PDILT: variants seen among roughly 807,000 people sequenced by gnomAD.
The protein encoded by PDILT is protein disulfide-isomerase-like protein of the testis.
PDILT carries 43 observed loss-of-function variants against 53.7 expected under a neutral mutation model. The ratio of observed to expected loss-of-function variants is 0.80; its 90% CI spans 0.63 to 1.03. The LOEUF is 1.03. Among genes scored for constraint, PDILT ranks in the 50% least tolerant of loss-of-function variants. The probability of loss-of-function intolerance (pLI) is 0.00; values close to 1 mark genes in which losing one functional copy is unlikely to be tolerated. For missense variants in PDILT, 727 were observed against 712.3 expected (o/e 1.02, Z -0.24); for synonymous variants, 282 against 274.2 (o/e 1.03, Z -0.28).
intron 3 of PDILT, among the ~76,000 whole-genome samples, chr16:20,377,578 C>A (rs917316451): frequency 6.6e-6 from 1 of 152,138 alleles, no homozygotes. Flanking sequence ...CAAAGTTCTG[C>A]GAGTCTGTAG....
intron 3 of PDILT, among the ~76,000 whole-genome samples, chr16:20,379,762 C>T (rs2141605389): frequency 6.6e-6 from 1 of 152,306 alleles, no homozygotes; most frequent in South Asian, 2.1e-4. Context: ...TTAAAAGCCA[C>T]AATGAGTCAA....
chr16:20,379,431 G>A (rs568779784), intron 3 of PDILT, among the ~76,000 whole-genome samples: 527 of 152,202 alleles, frequency 3.5e-3, no homozygotes, highest in Non-Finnish European at 6.5e-3. Flanking sequence ...CTCCCAAAGT[G>A]CTGGGATTAC....
chr16:20,360,119 T>C (rs904234528), intron 11 of PDILT, among the ~76,000 whole-genome samples: 1 of 152,212 alleles, frequency 6.6e-6, no homozygotes, highest in Admixed American at 6.5e-5. Flanking sequence ...AAATTCCCAT[T>C]GTTGCTTAAA....
chr16:20,366,572 C>T (rs1340170245), intron 8 of PDILT, among the ~76,000 whole-genome samples: 2 of 152,192 alleles, frequency 1.3e-5, no homozygotes, highest in South Asian at 2.1e-4. Flanking sequence ...TTTCTTTCCT[C>T]GCCATTGAGC....
chr16:20,359,225 C>A lies in PDILT; in HGVS notation c.*94G>T. 2.0e-6 allele frequency: 3 copies of A among 1,522,036 alleles called. No homozygotes were observed. The highest frequency in any genetic ancestry group is 2.7e-6 in the Non-Finnish European group (3 of 1,131,906). The allele number at this position is 1,522,036 out of a possible 1,614,324, so 94.3% of individuals were successfully genotyped here. A position where few individuals can be genotyped will look rare whatever the true frequency, so the allele number is the denominator to read the frequency against. On this transcript the variant is annotated 3_prime_UTR_variant, in exon 12 of 12. Transcript: ENST00000302451. ...CCCTACCCCCGCCCCACCTACCCTA[C>A]CACAATGATATATGCTTTTATTGGA...
In PDILT at chr16:20,359,336, C is replaced by A; in HGVS notation, c.1738G>T (p.Val580Phe). Residue 580 changes from valine (V) to phenylalanine (F), a missense_variant, in exon 12 of 12, where the codon GTC becomes TTC. By Grantham distance (50) the Val-to-Phe change is conservative. Transcript: ENST00000302451. ...GPPVQKKKPK[V>F]KEEL ...TGGAGAAGCTAAAGTTCTTCCTTGA[C>A]TTTTGGTTTCTTCTTTTGCACTGGA... 1 of 1,613,786 alleles carries A rather than the reference C, an allele frequency of 6.2e-7. No homozygotes were observed. Among genetic ancestry groups the A allele is most frequent in the South Asian group, 1.1e-5 (1 of 90,994 alleles).
chr16:20,361,194 T>TC, intron 10 of PDILT, among the ~76,000 whole-genome samples: 1 of 106,968 alleles, frequency 9.3e-6, no homozygotes, highest in Non-Finnish European at 2.2e-5. Flanking sequence ...TTTCCTCTTT[T>TC]TTTTTTTTTT....
At position 20,384,845 on chromosome 16, in the gene PDILT, G is replaced by T. The variant is rs748295360; in HGVS notation, c.209C>A (p.Pro70Gln). ...TRFLMVLFHNPSSKQSRNLAE... is the reference protein window; with the variant it reads ...TRFLMVLFHNQSSKQSRNLAE... ...CAAGTTCCTGGATTGCTTTGAGGAT[G>T]GGTTGTCTGAAAGAGTATGAAGACA... The change falls in exon 3 of 12, where the codon CCA becomes CAA. Residue 70 changes from proline to glutamine, a missense_variant. Physicochemically the swap from Pro to Gln is moderately conservative, Grantham distance 76. Transcript: ENST00000302451. 1.2e-6 allele frequency: 2 copies of T among 1,614,152 alleles called. No individual in the cohort carries two copies. The highest frequency in any genetic ancestry group is 2.2e-5 in the South Asian group (2 of 91,076).
intron 3 of PDILT, among the ~76,000 whole-genome samples, chr16:20,377,220 C>G (rs997395901): frequency 1.3e-5 from 2 of 152,024 alleles, no homozygotes; most frequent in African/African-American, 4.8e-5. Flanking sequence ...CCCAGGAGTT[C>G]AAGGCTGCAG....
chr16:20,373,349 G>A (rs1464155025), intron 5 of PDILT, among the ~76,000 whole-genome samples: 2 of 152,120 alleles, frequency 1.3e-5, no homozygotes, highest in African/African-American at 2.4e-5. Context: ...TCTACGGCAG[G>A]CCACAAGGAG....
chr16:20,367,937 G>A (rs142467459), intron 8 of PDILT, among the ~76,000 whole-genome samples: 4 of 152,282 alleles, frequency 2.6e-5, no homozygotes, highest in African/African-American at 9.6e-5. Flanking sequence ...GTACTATGGG[G>A]TATACAGGAG....
chr16:20,384,839 G>A lies in PDILT; in HGVS notation c.215C>T (p.Ser72Leu). The A allele has an allele frequency of 6.2e-7, 1 of 1,614,188 alleles. No individual in the cohort carries two copies. ...FLMVLFHNPSSKQSRNLAEEL... is the reference protein window; with the variant it reads ...FLMVLFHNPSLKQSRNLAEEL... ...TTCCGCCAAGTTCCTGGATTGCTTT[G>A]AGGATGGGTTGTCTGAAAGAGTATG... Residue 72 changes from serine to leucine, a missense_variant, in exon 3 of 12, where the codon TCA becomes TTA. Coordinates refer to ENST00000302451, the MANE Select transcript of PDILT (RefSeq NM_174924.2).
At chr16:20,400,012 C>A (rs1019381499) in intron 1 of PDILT, among the ~76,000 whole-genome samples, 11 of 141,716 alleles carry the variant, frequency 7.8e-5, no homozygotes, top group African/African-American at 1.1e-4. Flanking sequence ...TTGAATATAT[C>A]TCTATCTATC....
At chr16:20,398,918 C>A (rs968142875) in intron 2 of PDILT, among the ~76,000 whole-genome samples, 181 bp downstream of exon 2, 1 of 152,188 alleles carries the variant, frequency 6.6e-6, no homozygotes, top group African/African-American at 2.4e-5. Context: ...ATTTGCTTAA[C>A]CTCCCTGGAG....
intron 2 of PDILT, among the ~76,000 whole-genome samples, chr16:20,389,549 T>A (rs1000269416): frequency 6.6e-6 from 1 of 152,136 alleles, no homozygotes; most frequent in Admixed American, 6.5e-5. Context: ...ACAGTGACCA[T>A]CACCAAACCA....
At chr16:20,361,100 A>G (rs548224853) in intron 10 of PDILT, among the ~76,000 whole-genome samples, 8 of 152,130 alleles carry the variant, frequency 5.3e-5, no homozygotes, top group Non-Finnish European at 8.8e-5. Flanking sequence ...TATTATTACT[A>G]TCATAGCAAC....
At chr16:20,390,723 T>C (rs1966597816) in intron 2 of PDILT, 1 of 152,158 alleles carries the variant, frequency 6.6e-6, no homozygotes, top group Non-Finnish European at 1.5e-5. Context: ...GGAATGAAGT[T>C]TCCAATGATC....
At chr16:20,387,446 G>T (rs1966553843) in intron 2 of PDILT, among the ~76,000 whole-genome samples, 1 of 152,158 alleles carries the variant, frequency 6.6e-6, no homozygotes, top group Non-Finnish European at 1.5e-5. Flanking sequence ...ACATGTTCAA[G>T]GTATGACAAG....
chr16:20,365,987 G>A (rs1966185951), intron 8 of PDILT, among the ~76,000 whole-genome samples: 3 of 151,608 alleles, frequency 2.0e-5, no homozygotes, highest in African/African-American at 4.9e-5. Flanking sequence ...CTACTCAGGA[G>A]GCTGAGGCAA....
Sources: gnomAD v4.1 joint callset for allele counts (sites outside exome capture counted in the v4.1 genomes callset) on GRCh38, gnomAD v4.1.1 for gene constraint, MANE v1.5 for transcripts, NCBI Gene and HGNC (gene_info 2026-07-23, HGNC 2026-07-21) for gene names.